SLC8A1: variants seen among roughly 807,000 people sequenced by gnomAD.
The protein encoded by SLC8A1 is solute carrier family 8 member A1.
In SLC8A1, 18 loss-of-function variants were observed where a neutral mutation model predicts 68.3. The observed-to-expected ratio is 0.26, with a 90% confidence interval of 0.18 to 0.39. The LOEUF (loss-of-function observed/expected upper bound fraction) is 0.39, where lower values mean the gene tolerates loss of function less well. Among genes scored for constraint, SLC8A1 ranks in the 10% least tolerant of loss-of-function variants. The probability of loss-of-function intolerance (pLI) is 1.00; values close to 1 mark genes in which losing one functional copy is unlikely to be tolerated. For synonymous variants in SLC8A1, 475 were observed against 415.5 expected, an observed-to-expected ratio of 1.14 and a Z score of -1.74; for missense variants, 985 against 1,156.7, an observed-to-expected ratio of 0.85 and a Z score of 2.15.
chr2:40,343,574 T>C (rs374741509), intron 2 of SLC8A1, among the ~76,000 whole-genome samples: 15 of 152,324 alleles, frequency 9.8e-5, no homozygotes, highest in African/African-American at 3.6e-4. Flanking sequence ...CAGCCTTGTA[T>C]GTATTAGGAT....
At chr2:40,438,855 T>A (rs979354696) in intron 1 of SLC8A1, among the ~76,000 whole-genome samples, 4 of 152,066 alleles carry the variant, frequency 2.6e-5, no homozygotes. Context: ...TGGACCACCC[T>A]TTGTGAAGTG....
chr2:40,205,664 GGAGA>G (rs899865454), intron 2 of SLC8A1, among the ~76,000 whole-genome samples: 3 of 151,940 alleles, frequency 2.0e-5, no homozygotes, highest in African/African-American at 7.2e-5. Context: ...GAAGGTGGGA[GGAGA>G]GAGAGGATGA....
At chr2:40,483,670 A>C (rs1338242673) in intron 1 of SLC8A1, among the ~76,000 whole-genome samples, 1 of 152,326 alleles carries the variant, frequency 6.6e-6, no homozygotes, top group South Asian at 2.1e-4. Context: ...GTAAATAAAC[A>C]GAAGTCTCAT....
chr2:40,466,243 G>T (rs779423194), intron 1 of SLC8A1, among the ~76,000 whole-genome samples: 4 of 152,154 alleles, frequency 2.6e-5, no homozygotes, highest in Non-Finnish European at 5.9e-5. Context: ...GGTTGGGAAA[G>T]AAATTTGAAT....
intron 2 of SLC8A1, among the ~76,000 whole-genome samples, chr2:40,371,293 T>C (rs575345594): frequency 6.6e-5 from 10 of 152,216 alleles, no homozygotes; most frequent in African/African-American, 2.2e-4. Context: ...AATCCCTTCA[T>C]TGTTGCCTTT....
intron 2 of SLC8A1, among the ~76,000 whole-genome samples, chr2:40,248,149 G>C (rs1012323042): frequency 6.6e-6 from 1 of 152,164 alleles, no homozygotes; most frequent in South Asian, 2.1e-4. Context: ...ATGACATTAA[G>C]ATATGTTAAG....
At chr2:40,483,006 G>A (rs1335965617) in intron 1 of SLC8A1, among the ~76,000 whole-genome samples, 1 of 146,654 alleles carries the variant, frequency 6.8e-6, no homozygotes, top group African/African-American at 2.5e-5. Context: ...GGGTTTCACC[G>A]TGTTAGCCAG....
At chr2:40,140,167 C>G (rs983973265) in intron 6 of SLC8A1, among the ~76,000 whole-genome samples, 6 of 152,210 alleles carry the variant, frequency 3.9e-5, no homozygotes, top group Admixed American at 2.6e-4. Context: ...AATCATGGCT[C>G]TGAGCCTTGC....
intron 2 of SLC8A1, among the ~76,000 whole-genome samples, chr2:40,341,879 A>G (rs1032660681): frequency 6.6e-6 from 1 of 152,140 alleles, no homozygotes; most frequent in Admixed American, 6.5e-5. Flanking sequence ...AAGTAGATTT[A>G]CCTTTAAGCA....
At chr2:40,282,001 A>G (rs1298190099) in intron 2 of SLC8A1, among the ~76,000 whole-genome samples, 2 of 152,164 alleles carry the variant, frequency 1.3e-5, no homozygotes, top group African/African-American at 4.8e-5. Context: ...ATAACAGTGG[A>G]TTAGCTACTG....
chr2:40,200,838 T>C (rs1023990426), intron 2 of SLC8A1, among the ~76,000 whole-genome samples: 4 of 151,924 alleles, frequency 2.6e-5, no homozygotes, highest in Admixed American at 2.0e-4. Context: ...CATTTTTATA[T>C]AGTCGGTTTA....
chr2:40,279,644 C>T (rs543549096), intron 2 of SLC8A1, among the ~76,000 whole-genome samples: 1 of 152,318 alleles, frequency 6.6e-6, no homozygotes, highest in South Asian at 2.1e-4. Context: ...TCTGGCATAT[C>T]TCTTCCCAAG....
intron 2 of SLC8A1, among the ~76,000 whole-genome samples, chr2:40,382,244 G>A (rs1245958611): frequency 6.6e-6 from 1 of 152,026 alleles, no homozygotes; most frequent in Non-Finnish European, 1.5e-5. Flanking sequence ...AGCTCAGAAA[G>A]GCATAACAGT....
chr2:40,133,504 G>A (rs918120986), intron 7 of SLC8A1, among the ~76,000 whole-genome samples: 2 of 151,510 alleles, frequency 1.3e-5, no homozygotes, highest in East Asian at 1.9e-4. Flanking sequence ...AAGAATATTC[G>A]AAACATAGGA....
intron 1 of SLC8A1, among the ~76,000 whole-genome samples, chr2:40,438,047 G>A (rs77044285): frequency 0.049 from 7,499 of 152,134 alleles, 342 homozygotes; most frequent in East Asian, 0.24. Context: ...CGTACCTTGA[G>A]TCTTGAGTTA....
chr2:40,383,237 T>G (rs1682476150), intron 2 of SLC8A1, among the ~76,000 whole-genome samples: 1 of 152,144 alleles, frequency 6.6e-6, no homozygotes, highest in Admixed American at 6.5e-5. Context: ...TTTTGAAATT[T>G]GGAGAGGCTA....
exon 8 of SLC8A1, chr2:40,103,924 A>C (rs975334604): frequency 6.6e-6 from 1 of 152,212 alleles, no homozygotes; most frequent in Non-Finnish European, 1.5e-5. Flanking sequence ...ACCCATACAC[A>C]TAAGTGGATG....
At chr2:40,097,736 T>A (rs2033659623) in exon 8 of SLC8A1, 1 of 151,988 alleles carries the variant, frequency 6.6e-6, no homozygotes, top group Admixed American at 6.6e-5. Context: ...AACTCTGAAA[T>A]CATTCATTAA....
At chr2:40,278,892 T>G (rs1179560516) in intron 2 of SLC8A1, among the ~76,000 whole-genome samples, 1 of 152,222 alleles carries the variant, frequency 6.6e-6, no homozygotes, top group African/African-American at 2.4e-5. Context: ...TTGGTAATGA[T>G]TTACCCTAAA....
Sources: gnomAD v4.1 joint callset for allele counts (sites outside exome capture counted in the v4.1 genomes callset) on GRCh38, gnomAD v4.1.1 for gene constraint, MANE v1.5 for transcripts, NCBI Gene and HGNC (gene_info 2026-07-23, HGNC 2026-07-21) for gene names.